The following GSS variants were observed in gnomAD, a reference collection of about 807,000 sequenced individuals.
The protein encoded by GSS is GSH synthetase.
In GSS, 34 loss-of-function variants were observed where a neutral mutation model predicts 60.4. The ratio of observed to expected loss-of-function variants is 0.56; its 90% CI spans 0.43 to 0.75. The LOEUF (loss-of-function observed/expected upper bound fraction) is 0.75, where lower values mean the gene tolerates loss of function less well. GSS is among the 30% of genes least tolerant of loss of function. The pLI is 0.00. For synonymous variants in GSS, 224 were observed against 239.0 expected, an observed-to-expected ratio of 0.94 and a Z score of 0.58; for missense variants, 499 against 595.1, an observed-to-expected ratio of 0.84 and a Z score of 1.68.
chr20:34,941,959 C>G (rs185044682), intron 5 of GSS, 130 bp from the exon 6 acceptor site: 16 of 737,626 alleles, frequency 2.2e-5, no homozygotes, highest in Admixed American at 8.9e-5. Flanking sequence ...CCATCACATT[C>G]CTGTAAGATC....
intron 3 of GSS, among the ~76,000 whole-genome samples, chr20:34,943,854 G>A (rs564634409): frequency 5.7e-4 from 87 of 152,342 alleles, no homozygotes; most frequent in Non-Finnish European, 1.0e-3. Flanking sequence ...CATGTGACAT[G>A]TGTTAGGGGC....
intron 9 of GSS, among the ~76,000 whole-genome samples, chr20:34,934,760 AG>A (rs1472812785): frequency 6.6e-6 from 1 of 152,110 alleles, no homozygotes; most frequent in Non-Finnish European, 1.5e-5. Context: ...GAGCCCCCTC[AG>A]TTTTCTAGTG....
chr20:34,933,832 C>A (rs2081420759), intron 9 of GSS: 1 of 152,142 alleles, frequency 6.6e-6, no homozygotes, highest in African/African-American at 2.4e-5. Flanking sequence ...ACTAAGCCTT[C>A]TAGATCTCTC....
chr20:34,949,426 T>A (rs1375764437), intron 2 of GSS: 37 of 148,862 alleles, frequency 2.5e-4, no homozygotes, highest in African/African-American at 9.5e-4. Context: ...CTTGAACATT[T>A]TTTTTTTTTT....
chr20:34,945,447 G>A (rs1225511437), intron 3 of GSS, among the ~76,000 whole-genome samples: 1 of 151,298 alleles, frequency 6.6e-6, no homozygotes, highest in African/African-American at 2.4e-5. Context: ...CATTTCAGAG[G>A]TTGCTTCCTC....
intron 1 of GSS, among the ~76,000 whole-genome samples, chr20:34,954,091 C>T (rs2081592745): frequency 6.6e-6 from 1 of 152,222 alleles, no homozygotes; most frequent in Non-Finnish European, 1.5e-5. Flanking sequence ...GAACCCATTA[C>T]CTTGACATTA....
chr20:34,931,878 T>TG, intron 10 of GSS, 61 bp downstream of exon 10: 1 of 1,464,898 alleles, frequency 6.8e-7, no homozygotes. Context: ...CCCAACACAT[T>TG]GGGCTGTAGG....
chr20:34,938,149 C>T (rs1185213280), intron 6 of GSS, among the ~76,000 whole-genome samples: 2 of 152,148 alleles, frequency 1.3e-5, no homozygotes, highest in East Asian at 1.9e-4. Flanking sequence ...TGAGCCACTG[C>T]GCTCAGCCTC....
At chr20:34,935,246 C>T (rs1297050599) in intron 9 of GSS, among the ~76,000 whole-genome samples, 7 of 151,954 alleles carry the variant, frequency 4.6e-5, no homozygotes, top group Non-Finnish European at 7.4e-5. Context: ...TAAGAGTTGG[C>T]AGGAAAAAAA....
intron 1 of GSS, 80 bp from the exon 2 acceptor site, chr20:34,951,940 C>G: frequency 1.4e-6 from 2 of 1,464,166 alleles, no homozygotes; most frequent in Non-Finnish European, 1.9e-6. Context: ...GCGGCCACCC[C>G]CAACACAGCA....
intron 1 of GSS, among the ~76,000 whole-genome samples, chr20:34,952,498 G>C (rs917467878): frequency 6.6e-6 from 1 of 151,570 alleles, no homozygotes; most frequent in Non-Finnish European, 1.5e-5. Flanking sequence ...TCAGTGGCTC[G>C]ATCTTGGCTC....
chr20:34,937,873 T>A (rs2081452246), intron 6 of GSS, among the ~76,000 whole-genome samples: 1 of 152,224 alleles, frequency 6.6e-6, no homozygotes, highest in African/African-American at 2.4e-5. Context: ...TATTTATTTT[T>A]TTGAGACGGA....
At chr20:34,950,354 G>A (rs1027037021) in intron 2 of GSS, among the ~76,000 whole-genome samples, 4 of 151,952 alleles carry the variant, frequency 2.6e-5, no homozygotes, top group Non-Finnish European at 5.9e-5. Flanking sequence ...GCCTGTGTAG[G>A]TTCTGGGCAC....
chr20:34,943,123 T>C lies in GSS; in HGVS notation c.276-117A>G, dbSNP rs1031206522. 3 of 738,298 alleles carry C rather than the reference T, an allele frequency of 4.1e-6. No homozygotes were observed. The African/African-American group carries it at 5.2e-5, about 13-fold the overall frequency. 45.7% of individuals were successfully genotyped at this position (738,298 alleles called of 1,614,324 possible). The stretch of plus-strand genomic sequence containing the variant: ...CTGAGTCTACTGGCCAAAACTTGAA[T>C]GTCCGCCCCAATGTGGTAGAGAACA... On this transcript the variant is annotated intron_variant, in intron 3 of 12. Coordinates refer to ENST00000651619, the MANE Select transcript of GSS (RefSeq NM_000178.4).
In GSS at chr20:34,942,789, C is replaced by A. The variant is rs2081494497; in HGVS notation, c.351+142G>T. 6 of 957,658 alleles carry A rather than the reference C, an allele frequency of 6.3e-6. No individual in the cohort carries two copies. In the African/African-American group the frequency reaches 9.7e-5, roughly 15 times the overall value. The allele number at this position is 957,658 out of a possible 1,614,324, so 59.3% of individuals were successfully genotyped here. On this transcript the variant is annotated intron_variant, in intron 4 of 12. Coordinates refer to ENST00000651619, the MANE Select transcript of GSS (RefSeq NM_000178.4). ...TTCTTCTGGTCATCCTAGAATTGGT[C>A]ACTGGGATAAACCCAGTGAGGACCA...
rs1569011846 is a variant in GSS, at chr20:34,936,934, T to A, written c.689+9A>T. The A allele has an allele frequency of 3.1e-6, 5 of 1,612,296 alleles. No homozygotes were observed. The highest frequency in any genetic ancestry group is 3.4e-6 in the Non-Finnish European group (4 of 1,178,474). On this transcript the variant is annotated intron_variant, in intron 7 of 12. Coordinates refer to ENST00000651619, the MANE Select transcript of GSS (RefSeq NM_000178.4). Reference sequence around the variant, plus strand: ...AGCCACACCTAGAAGTCCCCCTTCCTTTACTTACCTGGCCAGTAGCTCATT... The same window carrying A: ...AGCCACACCTAGAAGTCCCCCTTCCATTACTTACCTGGCCAGTAGCTCATT...
At chr20:34,942,209 G>A (rs2081488641) in intron 5 of GSS, among the ~76,000 whole-genome samples, 1 of 152,148 alleles carries the variant, frequency 6.6e-6, no homozygotes, top group African/African-American at 2.4e-5. Flanking sequence ...CCCCCAGACA[G>A]AAGTCCCTGC....
At chr20:34,951,000 C>T (rs2081564488) in intron 2 of GSS, among the ~76,000 whole-genome samples, 1 of 151,998 alleles carries the variant, frequency 6.6e-6, no homozygotes, top group East Asian at 1.9e-4. Flanking sequence ...TCTACTTTTA[C>T]GTATTGAACC....
Position 34,931,105 on chromosome 20 carries a change from G to C in GSS, c.1111+231C>G, listed in dbSNP as rs571070725. ...TCTACTTCCCAACAATCTACCCACA[G>C]GCACCTCAGGTAAAACTTGTCCAAA... is the stretch of plus-strand genomic sequence containing the variant. On this transcript the variant is annotated intron_variant, in intron 11 of 12. Transcript: ENST00000651619. 4.6e-5 allele frequency among the ~76,000 whole-genome samples: 7 copies of C among 152,154 alleles called. No homozygotes were observed. The South Asian group carries it at 1.4e-3, about 32-fold the overall frequency.
Sources: allele counts gnomAD v4.1 joint callset (sites outside exome capture counted in the v4.1 genomes callset), GRCh38; gene constraint gnomAD v4.1.1; transcripts MANE v1.5; gene names NCBI Gene and HGNC (gene_info 2026-07-23, HGNC 2026-07-21).